SNX7: variants seen among roughly 807,000 people sequenced by gnomAD.
The protein encoded by SNX7 is sorting nexin 7, also known as sorting nexin-7.
In SNX7, 35 loss-of-function variants were observed where a neutral mutation model predicts 48.4. The observed-to-expected ratio is 0.72, with a 90% CI of 0.55 to 0.96. The LOEUF (loss-of-function observed/expected upper bound fraction) is 0.96. Among genes scored for constraint, SNX7 ranks in the 40% least tolerant of loss-of-function variants. The pLI is 0.00. For synonymous variants in SNX7, 190 were observed against 190.2 expected (o/e 1.00, Z 0.01); for missense variants, 553 against 548.9 (o/e 1.01, Z -0.07).
intron 6 of SNX7, among the ~76,000 whole-genome samples, chr1:98,700,754 C>T (rs142724777): frequency 8.3e-4 from 126 of 152,180 alleles, no homozygotes; most frequent in African/African-American, 2.8e-3. Flanking sequence ...AGGTGCAAAA[C>T]TGTACTAAGT....
chr1:98,735,805 T>TA (rs1322541527), intron 7 of SNX7, among the ~76,000 whole-genome samples: 2 of 152,168 alleles, frequency 1.3e-5, no homozygotes, highest in Non-Finnish European at 2.9e-5. Context: ...CAGATAGTCT[T>TA]ACCCAATGTC....
chr1:98,691,156 G>A lies in SNX7; in HGVS notation c.445G>A (p.Glu149Lys), dbSNP rs770990779. The change falls in exon 3 of 9, where the codon GAA (glutamate) becomes AAA (lysine). Residue 149 changes from glutamate (E) to lysine (K), a missense_variant. Physicochemically the swap from Glu to Lys is moderately conservative, Grantham distance 56. Coordinates refer to ENST00000306121, the MANE Select transcript of SNX7 (RefSeq NM_015976.5). Reference sequence around the variant, plus strand: ...TTTCCTTTGGTTGAAGGGAAAACTGGAAGAAGCACACCCCACTCTGATTAT... The same window carrying A: ...TTTCCTTTGGTTGAAGGGAAAACTGAAAGAAGCACACCCCACTCTGATTAT... ...QDFLWLKGKLEEAHPTLIIPP... is the reference protein window; with the variant it reads ...QDFLWLKGKLKEAHPTLIIPP... 3 of 1,610,096 alleles carry A rather than the reference G, an allele frequency of 1.9e-6. No individual in the cohort carries two copies. The African/African-American group carries it at 4.0e-5, about 22-fold the overall frequency.
intron 8 of SNX7, among the ~76,000 whole-genome samples, chr1:98,754,105 G>A (rs1399803006): frequency 6.6e-6 from 1 of 151,914 alleles, no homozygotes; most frequent in Non-Finnish European, 1.5e-5. Flanking sequence ...ATAAGCAATG[G>A]ACATTGGAAT....
At chr1:98,679,370 A>C (rs937999518) in intron 1 of SNX7, among the ~76,000 whole-genome samples, 1 of 152,122 alleles carries the variant, frequency 6.6e-6, no homozygotes, top group Non-Finnish European at 1.5e-5. Flanking sequence ...TCAAGATGAG[A>C]TTTGAGTGGG....
chr1:98,714,683 A>G (rs1253489770), intron 7 of SNX7, among the ~76,000 whole-genome samples: 1 of 152,166 alleles, frequency 6.6e-6, no homozygotes, highest in Non-Finnish European at 1.5e-5. Context: ...GAAGGAGGAA[A>G]AGCCATGATC....
chr1:98,669,155 A>G (rs1282255261), intron 1 of SNX7, among the ~76,000 whole-genome samples: 1 of 152,278 alleles, frequency 6.6e-6, no homozygotes, highest in Non-Finnish European at 1.5e-5. Context: ...TGATGTAATA[A>G]TTCCTTAGGT....
chr1:98,689,598 G>T (rs1482793794), intron 2 of SNX7, among the ~76,000 whole-genome samples: 2 of 152,062 alleles, frequency 1.3e-5, no homozygotes, highest in African/African-American at 2.4e-5. Flanking sequence ...TATTTTAACT[G>T]CTGGTTTTTT....
chr1:98,691,264 T>C, intron 3 of SNX7, 79 bp downstream of exon 3: 1 of 788,034 alleles, frequency 1.3e-6, no homozygotes, highest in Non-Finnish European at 2.0e-6. Context: ...AAAACCTAAT[T>C]TCAGACCTTA....
chr1:98,695,578 A>C lies in SNX7; in HGVS notation c.700A>C (p.Arg234=). ...GLLSRMGQTV[R]AVASSMRGVK... ...GCTAAGCAGGATGGGGCAAACCGTC[A>C]GAGCTGTTGCGTCCTCAATGAGAGG... Residue 234 remains arginine (R), a synonymous_variant, in exon 5 of 9, where the codon AGA becomes CGA. Transcript: ENST00000306121. 1 of 1,614,178 alleles carries C rather than the reference A, an allele frequency of 6.2e-7. No individual in the cohort carries two copies. Among genetic ancestry groups the C allele is most frequent in the South Asian group, 1.1e-5 (1 of 91,088 alleles).
intron 7 of SNX7, among the ~76,000 whole-genome samples, chr1:98,731,729 G>A (rs1207317876): frequency 6.6e-6 from 1 of 151,966 alleles, no homozygotes; most frequent in African/African-American, 2.4e-5. Context: ...AAACACAGTG[G>A]TAAATATTTG....
At chr1:98,670,137 G>T (rs948617122) in intron 1 of SNX7, among the ~76,000 whole-genome samples, 1 of 152,092 alleles carries the variant, frequency 6.6e-6, no homozygotes, top group African/African-American at 2.4e-5. Context: ...TTAATTAATG[G>T]TGAGTAATGT....
chr1:98,748,197 G>T (rs773295720), intron 8 of SNX7, among the ~76,000 whole-genome samples: 1 of 151,860 alleles, frequency 6.6e-6, no homozygotes, highest in Non-Finnish European at 1.5e-5. Flanking sequence ...TGTTGGCCAG[G>T]CTGGTCTCAA....
intron 8 of SNX7, 21 bp from the exon 9 acceptor site, chr1:98,760,033 T>C: frequency 6.7e-7 from 1 of 1,481,572 alleles, no homozygotes; most frequent in Middle Eastern, 1.7e-4. Flanking sequence ...GATTGCCTCA[T>C]GGTGTGTTTC....
At chr1:98,755,196 A>G (rs1199601578) in intron 8 of SNX7, among the ~76,000 whole-genome samples, 3 of 152,164 alleles carry the variant, frequency 2.0e-5, no homozygotes, top group Non-Finnish European at 1.5e-5. Context: ...TTTAAAATTT[A>G]TCAAGACTTA....
At chr1:98,676,450 T>C (rs1234590970) in intron 1 of SNX7, among the ~76,000 whole-genome samples, 2 of 152,214 alleles carry the variant, frequency 1.3e-5, no homozygotes, top group African/African-American at 4.8e-5. Flanking sequence ...CACAAATCTT[T>C]TTGTGATAAT....
At position 98,674,656 on chromosome 1, in the gene SNX7, T is replaced by A. The variant is rs148034750; in HGVS notation, c.181-10229T>A. On this transcript the variant is annotated intron_variant, in intron 1 of 8. Transcript: ENST00000306121. ...AGGGAACAATTCAACCCATAACAAA[T>A]GCTTATAATAAACCCCGAGTAACAA... Among the ~76,000 whole-genome samples the A allele has an allele frequency of 6.6e-5, 10 of 152,298 alleles. No homozygotes were observed. The East Asian group carries it at 1.2e-3, about 18-fold the overall frequency.
At chr1:98,721,408 A>G (rs1476593456) in intron 7 of SNX7, among the ~76,000 whole-genome samples, 1 of 152,122 alleles carries the variant, frequency 6.6e-6, no homozygotes, top group Admixed American at 6.6e-5. Context: ...TCCTTTGTGT[A>G]GTATTGTGAG....
chr1:98,741,819 G>A (rs1654086268), intron 8 of SNX7, among the ~76,000 whole-genome samples: 1 of 152,118 alleles, frequency 6.6e-6, no homozygotes, highest in African/African-American at 2.4e-5. Context: ...TGCTAATGAT[G>A]AAGGCTTGAG....
intron 8 of SNX7, among the ~76,000 whole-genome samples, chr1:98,739,523 C>T (rs182080503): frequency 2.0e-5 from 3 of 152,246 alleles, no homozygotes; most frequent in Admixed American, 1.3e-4. Context: ...AAACACAATC[C>T]GTTTCTCATG....
Sources: gnomAD v4.1 joint callset for allele counts (sites outside exome capture counted in the v4.1 genomes callset) on GRCh38, gnomAD v4.1.1 for gene constraint, MANE v1.5 for transcripts, NCBI Gene and HGNC (gene_info 2026-07-23, HGNC 2026-07-21) for gene names.